Variants in RPS6KA2 observed in about 807,000 individuals in gnomAD.
RPS6KA2 encodes the protein ribosomal protein S6 kinase A2.
RPS6KA2 carries 42 observed loss-of-function variants against 91.8 expected under a neutral mutation model. The ratio of observed to expected loss-of-function variants is 0.46; its 90% CI spans 0.36 to 0.59. RPS6KA2 has a LOEUF of 0.59. Among genes scored for constraint, RPS6KA2 ranks in the 20% least tolerant of loss-of-function variants. The pLI is 0.00. For missense variants in RPS6KA2, 798 were observed against 978.5 expected (o/e 0.82, Z 2.46); for synonymous variants, 414 against 393.6 (o/e 1.05, Z -0.61).
At chr6:166,728,848 G>A (rs2128587985) in intron 2 of RPS6KA2, among the ~76,000 whole-genome samples, 2 of 152,306 alleles carry the variant, frequency 1.3e-5, no homozygotes, top group Middle Eastern at 6.8e-3. Flanking sequence ...TGATGTCCAC[G>A]ACATTCTTGG....
intron 2 of RPS6KA2, among the ~76,000 whole-genome samples, chr6:166,837,235 A>ACCC (rs1417128860): frequency 9.2e-4 from 139 of 151,422 alleles, no homozygotes; most frequent in African/African-American, 3.2e-3. Context: ...CGCCCTGCCC[A>ACCC]CCCCCACGGA....
chr6:166,452,274 A>T (rs1253466062), intron 12 of RPS6KA2, among the ~76,000 whole-genome samples: 1 of 152,184 alleles, frequency 6.6e-6, no homozygotes, highest in Admixed American at 6.5e-5. Context: ...TTTGAAAGTA[A>T]TTCTACAGAA....
intron 2 of RPS6KA2, among the ~76,000 whole-genome samples, chr6:166,780,214 G>A (rs1481046704): frequency 6.6e-6 from 1 of 152,266 alleles, no homozygotes; most frequent in Non-Finnish European, 1.5e-5. Context: ...CCAGTGCCTG[G>A]GAATGTGTCC....
intron 1 of RPS6KA2, among the ~76,000 whole-genome samples, chr6:166,544,218 C>T (rs1783750732): frequency 6.6e-6 from 1 of 152,196 alleles, no homozygotes; most frequent in African/African-American, 2.4e-5. Context: ...GAGGGCTAGC[C>T]ACATGTAGTC....
chr6:166,464,621 T>C (rs1780452357), intron 11 of RPS6KA2, among the ~76,000 whole-genome samples: 1 of 152,200 alleles, frequency 6.6e-6, no homozygotes, highest in African/African-American at 2.4e-5. Context: ...CAGACTGGCT[T>C]GTGCTGTCTG....
At chr6:166,651,675 TTAAAGAGG>T (rs1184236605) in intron 2 of RPS6KA2, among the ~76,000 whole-genome samples, 1 of 152,260 alleles carries the variant, frequency 6.6e-6, no homozygotes, top group Non-Finnish European at 1.5e-5. Flanking sequence ...TTTAGAATCC[TTAAAGAGG>T]ACAGCAGCCC....
intron 10 of RPS6KA2, among the ~76,000 whole-genome samples, chr6:166,486,613 T>C (rs1781419244): frequency 6.6e-6 from 1 of 152,270 alleles, no homozygotes; most frequent in African/African-American, 2.4e-5. Context: ...ACACAGTCCT[T>C]TCCACAGACA....
At chr6:166,757,679 G>A (rs988018457) in intron 2 of RPS6KA2, 15 of 446,920 alleles carry the variant, frequency 3.4e-5, no homozygotes, top group African/African-American at 8.0e-5. Context: ...TGCTGCGCCC[G>A]TCCTCGTCAC....
At chr6:166,474,119 C>G (rs1033238816) in intron 10 of RPS6KA2, among the ~76,000 whole-genome samples, 3 of 152,064 alleles carry the variant, frequency 2.0e-5, no homozygotes, top group African/African-American at 7.2e-5. Flanking sequence ...GCATGGGTCT[C>G]TAGCGGCTCC....
chr6:166,516,831 C>T (rs1033410851), intron 3 of RPS6KA2, among the ~76,000 whole-genome samples: 3 of 152,202 alleles, frequency 2.0e-5, no homozygotes, highest in African/African-American at 7.2e-5. Context: ...GAAGCTGAGA[C>T]CTGGTGAAGC....
chr6:166,734,820 A>G (rs1176396314), intron 2 of RPS6KA2, among the ~76,000 whole-genome samples: 1 of 152,200 alleles, frequency 6.6e-6, no homozygotes, highest in Non-Finnish European at 1.5e-5. Flanking sequence ...TAAATATTTT[A>G]TAAATTTGTC....
chr6:166,718,099 C>T (rs1738404929), intron 2 of RPS6KA2, among the ~76,000 whole-genome samples: 2 of 152,222 alleles, frequency 1.3e-5, no homozygotes, highest in Non-Finnish European at 2.9e-5. Context: ...CCACCCACCT[C>T]GGCCTCCCAA....
chr6:166,620,258 C>T (rs1786576800), intron 1 of RPS6KA2, among the ~76,000 whole-genome samples: 1 of 152,206 alleles, frequency 6.6e-6, no homozygotes, highest in Admixed American at 6.5e-5. Context: ...CTGGCCAATA[C>T]CTAAGTACTA....
At chr6:166,502,722 A>G (rs1340982618) in intron 6 of RPS6KA2, among the ~76,000 whole-genome samples, 1 of 152,184 alleles carries the variant, frequency 6.6e-6, no homozygotes, top group Non-Finnish European at 1.5e-5. Flanking sequence ...TCACCTCCCA[A>G]TTAAGGAGAG....
Position 166,453,427 on chromosome 6 carries a change from T to C in RPS6KA2, c.1076-2194A>G, listed in dbSNP as rs570319370. Among the ~76,000 whole-genome samples, 3 of 152,248 alleles carry C rather than the reference T, an allele frequency of 2.0e-5. 1 individual carries two copies. In the East Asian group the frequency reaches 5.8e-4, roughly 29 times the overall value. On this transcript the variant is annotated intron_variant, in intron 12 of 20. Transcript: ENST00000265678. The stretch of plus-strand genomic sequence containing the variant: ...TGACCAGAGGACATAAGTAGACATT[T>C]TTCAAAAGAAGACATACAGATGGCC...
intron 2 of RPS6KA2, among the ~76,000 whole-genome samples, chr6:166,792,276 C>T (rs192199014): frequency 1.0e-3 from 154 of 152,330 alleles, no homozygotes; most frequent in Non-Finnish European, 1.9e-3. Flanking sequence ...AATTCCTGGA[C>T]ACATACACCG....
At chr6:166,791,622 A>C (rs1166410362) in intron 2 of RPS6KA2, among the ~76,000 whole-genome samples, 1 of 152,066 alleles carries the variant, frequency 6.6e-6, no homozygotes, top group Non-Finnish European at 1.5e-5. Flanking sequence ...GAAGTAAAGC[A>C]CTCCTCAGCA....
At chr6:166,503,804 T>A (rs1183579198) in intron 6 of RPS6KA2, among the ~76,000 whole-genome samples, 1 of 152,246 alleles carries the variant, frequency 6.6e-6, no homozygotes, top group Non-Finnish European at 1.5e-5. Context: ...ACTATTATTT[T>A]GGAGGGACTT....
At chr6:166,654,580 C>A (rs1298148817) in intron 2 of RPS6KA2, among the ~76,000 whole-genome samples, 1 of 152,214 alleles carries the variant, frequency 6.6e-6, no homozygotes, top group East Asian at 1.9e-4. Flanking sequence ...ATTTATTCTG[C>A]ACAATTCCAT....
Sources: allele counts gnomAD v4.1 joint callset (sites outside exome capture counted in the v4.1 genomes callset), GRCh38; gene constraint gnomAD v4.1.1; transcripts MANE v1.5; gene names NCBI Gene and HGNC (gene_info 2026-07-23, HGNC 2026-07-21).